The following HS6ST2 variants were observed in gnomAD, a reference collection of about 807,000 sequenced individuals.
The protein encoded by HS6ST2 is heparan sulfate 6-O-sulfotransferase 2, also known as heparan-sulfate 6-O-sulfotransferase 2.
Under a neutral mutation model 33.0 loss-of-function variants are expected in HS6ST2, and 17 were observed. That is an observed-to-expected ratio of 0.52 (90% CI 0.35 to 0.77). The LOEUF (loss-of-function observed/expected upper bound fraction) is 0.77, where lower values mean the gene tolerates loss of function less well. HS6ST2 is among the 30% of genes least tolerant of loss of function. HS6ST2 has a pLI of 0.01. For synonymous variants in HS6ST2, 248 were observed against 237.1 expected, an observed-to-expected ratio of 1.05 and a Z score of -0.42; for missense variants, 519 against 551.7, an observed-to-expected ratio of 0.94 and a Z score of 0.59.
chrX:132,734,267 T>A (rs2064486709), intron 2 of HS6ST2, among the ~76,000 whole-genome samples: 1 of 108,881 alleles, frequency 9.2e-6, no homozygotes, highest in Admixed American at 1.0e-4. Context: ...GAAGGCATGA[T>A]GATGAGTTTG....
At chrX:132,922,803 C>T (rs2066666154) in intron 2 of HS6ST2, among the ~76,000 whole-genome samples, 1 of 111,958 alleles carries the variant, frequency 8.9e-6, no homozygotes, top group South Asian at 3.7e-4. Context: ...TGGCTCACGC[C>T]TGTAATCCCA....
At chrX:132,718,107 G>A (rs768445068) in intron 2 of HS6ST2, among the ~76,000 whole-genome samples, 10 of 111,963 alleles carry the variant, frequency 8.9e-5, no homozygotes, top group Non-Finnish European at 1.7e-4. Flanking sequence ...TTTAATGAGT[G>A]CTTACTATAT....
At chrX:132,780,014 T>C (rs901549939) in intron 2 of HS6ST2, among the ~76,000 whole-genome samples, 2 of 111,238 alleles carry the variant, frequency 1.8e-5, no homozygotes, top group Admixed American at 1.9e-4. Flanking sequence ...ATCTGTGAGC[T>C]GCATTTCTCA....
chrX:132,674,792 A>G (rs1290043927), intron 3 of HS6ST2, among the ~76,000 whole-genome samples: 3 of 112,199 alleles, frequency 2.7e-5, no homozygotes, highest in African/African-American at 9.7e-5. Flanking sequence ...GTGGTATTAT[A>G]AAACTGTTGC....
At chrX:132,827,940 T>C (rs1403218816) in intron 2 of HS6ST2, among the ~76,000 whole-genome samples, 2 of 111,825 alleles carry the variant, frequency 1.8e-5, no homozygotes, top group Non-Finnish European at 3.8e-5. Context: ...TTCATCAAAA[T>C]GAACAACAAA....
chrX:132,956,010 C>A (rs1200204759), intron 2 of HS6ST2, among the ~76,000 whole-genome samples: 1 of 111,363 alleles, frequency 9.0e-6, no homozygotes, highest in East Asian at 2.9e-4. Context: ...GCCCGCCCTT[C>A]GGTCCGCGGG....
intron 4 of HS6ST2, among the ~76,000 whole-genome samples, chrX:132,633,005 G>T (rs1334393881): frequency 9.4e-6 from 1 of 106,769 alleles, no homozygotes; most frequent in Admixed American, 1.0e-4. Flanking sequence ...GAGCCTAGGA[G>T]GTAGAAGCTG....
chrX:132,793,972 AT>A (rs1201308182), intron 2 of HS6ST2, among the ~76,000 whole-genome samples: 2 of 112,798 alleles, frequency 1.8e-5, no homozygotes, highest in Non-Finnish European at 3.7e-5. Context: ...CCACTCTGCC[AT>A]TTGTAAAATT....
chrX:132,912,283 G>A (rs888685885), intron 2 of HS6ST2, among the ~76,000 whole-genome samples: 2 of 112,656 alleles, frequency 1.8e-5, no homozygotes, highest in African/African-American at 6.4e-5. Context: ...TGGAGGGACT[G>A]GATTTGATGA....
intron 2 of HS6ST2, 26 bp from the exon 3 acceptor site, chrX:132,708,520 C>T (rs372889155): frequency 1.2e-4 from 136 of 1,157,863 alleles, no homozygotes; most frequent in Non-Finnish European, 1.5e-4. Flanking sequence ...TAAAACCAGT[C>T]GCTAGCAAGA....
intron 4 of HS6ST2, among the ~76,000 whole-genome samples, chrX:132,641,018 C>T: frequency 1.8e-5 from 2 of 112,294 alleles, no homozygotes; most frequent in Middle Eastern, 4.6e-3. Context: ...AGTTTTTCAA[C>T]CCACAACCCC....
At chrX:132,734,257 GA>G (rs1018305983) in intron 2 of HS6ST2, among the ~76,000 whole-genome samples, 3 of 108,640 alleles carry the variant, frequency 2.8e-5, no homozygotes, top group African/African-American at 1.0e-4. Context: ...AACAAAACGG[GA>G]AGGCATGATG....
At chrX:132,937,728 A>G (rs1189427379) in intron 2 of HS6ST2, among the ~76,000 whole-genome samples, 1 of 111,737 alleles carries the variant, frequency 8.9e-6, no homozygotes, top group Non-Finnish European at 1.9e-5. Flanking sequence ...AAGACCTGAA[A>G]CTATGAAAAT....
rs762633913 is a variant in HS6ST2, at chrX:132,805,639, G to A, written c.948-97145C>T. 4.1e-4 allele frequency among the ~76,000 whole-genome samples: 45 copies of A among 109,678 alleles called. 2 individuals are homozygous for A. Among genetic ancestry groups the A allele is most frequent in the Non-Finnish European group, 8.1e-4 (42 of 52,000 alleles). ...CCCTACTGAAAAGGCATCTCACTGC[G>A]ACCACAGGCCAGACACAAGATGAAT... On this transcript the variant is annotated intron_variant, in intron 2 of 4. Transcript: ENST00000370833.
At chrX:132,904,408 T>C (rs1353601595) in intron 2 of HS6ST2, among the ~76,000 whole-genome samples, 1 of 111,894 alleles carries the variant, frequency 8.9e-6, no homozygotes, top group African/African-American at 3.2e-5. Flanking sequence ...TTGCGTCTCA[T>C]AGTGCAATAT....
At chrX:132,853,949 T>TCA (rs2065828215) in intron 2 of HS6ST2, among the ~76,000 whole-genome samples, 1 of 110,627 alleles carries the variant, frequency 9.0e-6, no homozygotes, top group Admixed American at 9.6e-5. Context: ...TCTGAGCCTG[T>TCA]GGAGGTGAAG....
At chrX:132,882,423 G>C (rs1325025422) in intron 2 of HS6ST2, among the ~76,000 whole-genome samples, 1 of 106,012 alleles carries the variant, frequency 9.4e-6, no homozygotes, top group African/African-American at 3.5e-5. Flanking sequence ...TTGGCTCTCT[G>C]TTTGTCTGTT....
intron 4 of HS6ST2, among the ~76,000 whole-genome samples, chrX:132,643,819 T>C (rs1273979590): frequency 2.7e-5 from 3 of 111,975 alleles, no homozygotes; most frequent in African/African-American, 9.7e-5. Flanking sequence ...TTAAGACAGA[T>C]GCCTGACCCT....
At chrX:132,741,875 T>C (rs1002993053) in intron 2 of HS6ST2, among the ~76,000 whole-genome samples, 7 of 111,477 alleles carry the variant, frequency 6.3e-5, no homozygotes, top group African/African-American at 2.0e-4. Flanking sequence ...CTTCCATGAG[T>C]CATCCCTCCT....
Sources: allele counts gnomAD v4.1 joint callset (sites outside exome capture counted in the v4.1 genomes callset), GRCh38; gene constraint gnomAD v4.1.1; transcripts MANE v1.5; gene names NCBI Gene and HGNC (gene_info 2026-07-23, HGNC 2026-07-21).